Variants in PTPRU observed in about 807,000 individuals in gnomAD.
PTPRU encodes the protein receptor-type tyrosine-protein phosphatase U.
A neutral mutation model predicts 166.3 loss-of-function variants in PTPRU; 69 were observed. That is an observed-to-expected ratio of 0.41 (90% CI 0.34 to 0.51). The LOEUF (loss-of-function observed/expected upper bound fraction) is 0.51, where lower values mean the gene tolerates loss of function less well. PTPRU is among the 20% of genes least tolerant of loss of function. The probability of loss-of-function intolerance (pLI) is 0.09; values close to 1 mark genes in which losing one functional copy is unlikely to be tolerated. For synonymous variants in PTPRU, 793 were observed against 814.0 expected (o/e 0.97, Z 0.44); for missense variants, 1,657 against 2,013.7 (o/e 0.82, Z 3.39).
chr1:29,270,878 A>G (rs2151949295), intron 7 of PTPRU, among the ~76,000 whole-genome samples: 1 of 152,318 alleles, frequency 6.6e-6, no homozygotes, highest in Non-Finnish European at 1.5e-5. Context: ...GTGAGGTGGG[A>G]GGATTGAGAC....
chr1:29,294,738 G>A (rs748022440), intron 15 of PTPRU, among the ~76,000 whole-genome samples: 2 of 151,996 alleles, frequency 1.3e-5, no homozygotes, highest in Non-Finnish European at 2.9e-5. Flanking sequence ...ATTGATTTTT[G>A]TGTGTGGTGG....
rs1294644693 is a variant in PTPRU, at chr1:29,260,375, C to G, written c.851-235C>G. On this transcript the variant is annotated intron_variant, in intron 6 of 29. Coordinates refer to ENST00000373779, the MANE Select transcript of PTPRU (RefSeq NM_133178.4). This position sits in a 1 kb window ranked among gnomAD's most constrained non-coding sequence, Gnocchi z 8.3. Reference sequence around the variant, plus strand: ...GAGGATGTGGGGGATTAGGAGGGGCCTGAGAGAGGGGTTGTGGGCTGATGG... The same window carrying G: ...GAGGATGTGGGGGATTAGGAGGGGCGTGAGAGAGGGGTTGTGGGCTGATGG... 4.2e-6 allele frequency: 2 copies of G among 475,894 alleles called. No homozygotes were observed. Among genetic ancestry groups the G allele is most frequent in the African/African-American group, 2.0e-5 (1 of 48,938 alleles). The allele number at this position is 475,894 out of a possible 1,614,324, so 29.5% of individuals were successfully genotyped here. A position where few individuals can be genotyped will look rare whatever the true frequency, so the allele number is the denominator to read the frequency against.
chr1:29,264,459 TTTGAG>T (rs1309043519), intron 7 of PTPRU, among the ~76,000 whole-genome samples: 1 of 152,150 alleles, frequency 6.6e-6, no homozygotes, highest in Non-Finnish European at 1.5e-5. Context: ...TTTGATCCAC[TTTGAG>T]TTAATTTTTC....
intron 14 of PTPRU, among the ~76,000 whole-genome samples, chr1:29,285,909 G>A (rs1384180441): frequency 6.6e-6 from 1 of 152,258 alleles, no homozygotes; most frequent in Non-Finnish European, 1.5e-5. Flanking sequence ...GAGGCCTAGA[G>A]GGCACGCAGG....
intron 15 of PTPRU, among the ~76,000 whole-genome samples, chr1:29,299,972 C>T (rs1687063138): frequency 6.6e-6 from 1 of 152,214 alleles, no homozygotes; most frequent in Non-Finnish European, 1.5e-5. Flanking sequence ...CTTTCTGGCA[C>T]TCAGGGGCTT....
chr1:29,300,173 C>T (rs541231381), intron 15 of PTPRU, among the ~76,000 whole-genome samples: 3 of 152,226 alleles, frequency 2.0e-5, no homozygotes, highest in Admixed American at 6.5e-5. Flanking sequence ...AGGTAACATC[C>T]CCACGGTCAC....
Position 29,260,304 on chromosome 1 carries a change from G to A in PTPRU, c.850+260G>A. 2.1e-6 allele frequency: 1 copy of A among 486,032 alleles called. No individual in the cohort carries two copies. Among genetic ancestry groups the A allele is most frequent in the Non-Finnish European group, 3.5e-6 (1 of 285,992 alleles). 30.1% of individuals were successfully genotyped at this position (486,032 alleles called of 1,614,324 possible). A position where few individuals can be genotyped will look rare whatever the true frequency, so the allele number is the denominator to read the frequency against. On this transcript the variant is annotated intron_variant, in intron 6 of 29. Coordinates refer to ENST00000373779, the MANE Select transcript of PTPRU (RefSeq NM_133178.4). This position sits in a 1 kb window ranked among gnomAD's most constrained non-coding sequence, Gnocchi z 8.3. ...AAGAGGGGTGGGGTTCTGGCTGTGT[G>A]ACTTCTGTGTTGATCCTAGCTGGCC...
intron 15 of PTPRU, among the ~76,000 whole-genome samples, chr1:29,299,019 G>A (rs1158843265): frequency 6.6e-6 from 1 of 152,196 alleles, no homozygotes; most frequent in Non-Finnish European, 1.5e-5. Flanking sequence ...AAAAGTTTGG[G>A]GTGCTACCAC....
chr1:29,246,768 A>G (rs12117102), intron 1 of PTPRU, among the ~76,000 whole-genome samples: 4,908 of 152,122 alleles, frequency 0.032, 115 homozygotes, highest in Non-Finnish European at 0.05. Flanking sequence ...GGCATGTGCC[A>G]CCAAACCCAG....
intron 16 of PTPRU, 21 bp from the exon 17 acceptor site, chr1:29,304,753 C>CA (rs1687304219): frequency 6.3e-7 from 1 of 1,594,254 alleles, no homozygotes; most frequent in Non-Finnish European, 8.6e-7. Flanking sequence ...TCCCACTGAC[C>CA]ACCACTTTTC....
intron 14 of PTPRU, among the ~76,000 whole-genome samples, chr1:29,288,727 C>T (rs992033204): frequency 1.3e-5 from 2 of 151,958 alleles, no homozygotes; most frequent in East Asian, 1.9e-4. Flanking sequence ...ATGGAGGCCT[C>T]TGGAGAGCCT....
In PTPRU at chr1:29,320,250, G is replaced by C. The variant is rs1557488894; in HGVS notation, c.3688-435G>C. 1 of 158,944 alleles carries C rather than the reference G, an allele frequency of 6.3e-6. No individual in the cohort carries two copies. Among genetic ancestry groups the C allele is most frequent in the Non-Finnish European group, 1.4e-5 (1 of 72,768 alleles). 9.8% of individuals were successfully genotyped at this position (158,944 alleles called of 1,614,324 possible). A position where few individuals can be genotyped will look rare whatever the true frequency, so the allele number is the denominator to read the frequency against. ...GGGGCTATTTTTGATGAGGTGGTGGGGGAGGGCTTCTTTGAGGAGGTGATA... is the reference window on the plus strand; with the variant it reads ...GGGGCTATTTTTGATGAGGTGGTGGCGGAGGGCTTCTTTGAGGAGGTGATA... On this transcript the variant is annotated intron_variant, in intron 25 of 29. Transcript: ENST00000373779. The surrounding 1 kb of genome is among the most constrained non-coding windows in gnomAD (Gnocchi z 5.2).
rs1687673064 is a variant in PTPRU, at chr1:29,311,727, G to A, written c.3040G>A (p.Glu1014Lys). The A allele has an allele frequency of 1.9e-6, 3 of 1,614,214 alleles. No individual in the cohort carries two copies. The African/African-American group carries it at 4.0e-5, about 22-fold the overall frequency. ...GCTGGTGAAGACAGAGACCCTGGCT[G>A]AGTATGTCGTGCGCACTTTTGCCCT... Reference protein sequence around the residue: ...IMLVKTETLAEYVVRTFALER... With the variant: ...IMLVKTETLAKYVVRTFALER... Residue 1014 changes from glutamate to lysine, a missense_variant, in exon 21 of 30, where the codon GAG becomes AAG. Physicochemically the swap from Glu to Lys is moderately conservative, Grantham distance 56. Coordinates refer to ENST00000373779, the MANE Select transcript of PTPRU (RefSeq NM_133178.4). This position sits in a 1 kb window ranked among gnomAD's most constrained non-coding sequence, Gnocchi z 4.1.
At chr1:29,252,081 A>C (rs1684570240) in intron 1 of PTPRU, among the ~76,000 whole-genome samples, 1 of 152,108 alleles carries the variant, frequency 6.6e-6, no homozygotes, top group Non-Finnish European at 1.5e-5. Flanking sequence ...AGGGATTTTC[A>C]AACAAAGAGC....
At chr1:29,245,483 C>G (rs1684254589) in intron 1 of PTPRU, among the ~76,000 whole-genome samples, 1 of 152,186 alleles carries the variant, frequency 6.6e-6, no homozygotes, top group South Asian at 2.1e-4. Context: ...TTGCAGCGTG[C>G]CAGGCTCTGG....
intron 26 of PTPRU, among the ~76,000 whole-genome samples, chr1:29,322,821 T>A (rs904986365): frequency 6.6e-6 from 1 of 152,124 alleles, no homozygotes; most frequent in African/African-American, 2.4e-5. Context: ...GTCATAGGGC[T>A]GTACCTCCTC....
At chr1:29,319,287 C>T (rs1688042004) in intron 25 of PTPRU, among the ~76,000 whole-genome samples, 2 of 152,144 alleles carry the variant, frequency 1.3e-5, no homozygotes, top group South Asian at 2.1e-4. Context: ...TTGGTGTGCC[C>T]ATCTGCACAT....
chr1:29,296,556 T>G (rs1686891136), intron 15 of PTPRU, among the ~76,000 whole-genome samples: 1 of 151,482 alleles, frequency 6.6e-6, no homozygotes, highest in Non-Finnish European at 1.5e-5. Flanking sequence ...TTGCCCAGGC[T>G]GGACTATAGT....
At position 29,315,634 on chromosome 1, in the gene PTPRU, C is replaced by T. The variant is rs1238302033; in HGVS notation, c.3363+127C>T. ...GGCTCTTGCCTTCCCTCAGATCATC[C>T]CTGACCTTGGGCCGCCAACTGCATA... On this transcript the variant is annotated intron_variant, in intron 23 of 29. Coordinates refer to ENST00000373779, the MANE Select transcript of PTPRU (RefSeq NM_133178.4). The surrounding 1 kb of genome is among the most constrained non-coding windows in gnomAD (Gnocchi z 4.5). 6.5e-6 allele frequency: 9 copies of T among 1,395,064 alleles called. No individual in the cohort carries two copies. Among genetic ancestry groups the T allele is most frequent in the African/African-American group, 2.8e-5 (2 of 70,596 alleles). The allele number at this position is 1,395,064 out of a possible 1,614,324, so 86.4% of individuals were successfully genotyped here.
Sources: gnomAD v4.1 joint callset for allele counts (sites outside exome capture counted in the v4.1 genomes callset) on GRCh38, gnomAD v4.1.1 for gene constraint, Gnocchi (gnomAD v3.1) non-coding constraint, MANE v1.5 for transcripts, NCBI Gene and HGNC (gene_info 2026-07-23, HGNC 2026-07-21) for gene names.